DOCK3: variants seen among roughly 807,000 people sequenced by gnomAD.
The protein encoded by DOCK3 is dedicator of cytokinesis protein 3.
In DOCK3, 60 loss-of-function variants were observed where a neutral mutation model predicts 265.6. That is an observed-to-expected ratio of 0.23 (90% CI 0.18 to 0.28). The LOEUF is 0.28. Ranked by LOEUF, DOCK3 falls within the 10% of genes least tolerant of loss-of-function variation. DOCK3 has a pLI of 1.00. For missense variants in DOCK3, 1,981 were observed against 2,594.3 expected (o/e 0.76, Z 5.14); for synonymous variants, 881 against 938.0 (o/e 0.94, Z 1.11).
intron 12 of DOCK3, among the ~76,000 whole-genome samples, chr3:51,198,818 CA>C (rs961615713): frequency 2.0e-5 from 3 of 152,086 alleles, no homozygotes; most frequent in African/African-American, 7.2e-5. Context: ...TCACTTGGGT[CA>C]GGGGTTCAAG....
rs187380578 is a variant in DOCK3 at position 51,214,299 on chromosome 3, G to T, written c.1252+52G>T. Reference sequence around the variant, plus strand: ...AGGAAGATGGGTTAGGATGGAATCTGGTGCTCCCCTCCTGAGCAGGTGGTG... The same window carrying T: ...AGGAAGATGGGTTAGGATGGAATCTTGTGCTCCCCTCCTGAGCAGGTGGTG... On this transcript the variant is annotated intron_variant, in intron 14 of 52. Transcript: ENST00000266037. The T allele has an allele frequency of 2.8e-3, 4,507 of 1,603,206 alleles. 23 individuals are homozygous for T. Among genetic ancestry groups the T allele is most frequent in the Non-Finnish European group, 2.6e-3 (2,996 of 1,174,518 alleles).
At chr3:51,083,922 T>G (rs1287443696) in intron 7 of DOCK3, among the ~76,000 whole-genome samples, 2 of 152,136 alleles carry the variant, frequency 1.3e-5, no homozygotes, top group Non-Finnish European at 2.9e-5. Context: ...AGGCGAAGGT[T>G]GCAGTGAGCC....
chr3:51,216,099 T>C (rs1416652397), intron 14 of DOCK3, among the ~76,000 whole-genome samples: 1 of 152,214 alleles, frequency 6.6e-6, no homozygotes, highest in African/African-American at 2.4e-5. Context: ...CCAAGGGATA[T>C]ACTTAAAGTC....
intron 41 of DOCK3, among the ~76,000 whole-genome samples, chr3:51,355,263 C>T (rs538315716): frequency 6.6e-6 from 1 of 152,332 alleles, no homozygotes; most frequent in Non-Finnish European, 1.5e-5. Flanking sequence ...TCAGGAAGGC[C>T]TTTATCCCTC....
chr3:51,184,754 G>A (rs550837332), intron 12 of DOCK3, among the ~76,000 whole-genome samples: 6 of 152,254 alleles, frequency 3.9e-5, no homozygotes, highest in Admixed American at 6.5e-5. Context: ...TGAGATGTGC[G>A]TACTGAACTC....
chr3:51,141,965 GTT>G (rs539685323), intron 9 of DOCK3, among the ~76,000 whole-genome samples: 2 of 138,746 alleles, frequency 1.4e-5, no homozygotes, highest in Non-Finnish European at 1.6e-5. Flanking sequence ...TTTGGAAGTG[GTT>G]TTTTTTTTTT....
chr3:50,846,554 G>T (rs1406989952), intron 3 of DOCK3, among the ~76,000 whole-genome samples: 1 of 152,100 alleles, frequency 6.6e-6, no homozygotes, highest in Non-Finnish European at 1.5e-5. Flanking sequence ...CTTCCTTGAT[G>T]TTTTGGAATA....
intron 1 of DOCK3, among the ~76,000 whole-genome samples, chr3:50,731,428 A>G (rs2038202363): frequency 6.6e-6 from 1 of 152,220 alleles, no homozygotes; most frequent in Non-Finnish European, 1.5e-5. Flanking sequence ...CATCATTTAT[A>G]ACAAATGTTC....
intron 9 of DOCK3, among the ~76,000 whole-genome samples, chr3:51,092,587 TC>T (rs961978140): frequency 1.3e-5 from 2 of 152,214 alleles, no homozygotes; most frequent in African/African-American, 2.4e-5. Flanking sequence ...GGGCGCAGCT[TC>T]AGCAGACTTT....
chr3:51,350,787 TAGG>T (rs2085925374), intron 40 of DOCK3, among the ~76,000 whole-genome samples: 2 of 152,222 alleles, frequency 1.3e-5, no homozygotes, highest in South Asian at 4.1e-4. Flanking sequence ...ACTGGCCTCT[TAGG>T]GTTTGTCATC....
chr3:51,374,383 G>A lies in DOCK3; in HGVS notation c.5294-86G>A. ...CCTAACTGTAAGGGACACCTACCCT[G>A]GTTCCCTAGTCCTGAGGATGCTTGA... On this transcript the variant is annotated intron_variant, in intron 49 of 52. Coordinates refer to ENST00000266037, the MANE Select transcript of DOCK3 (RefSeq NM_004947.5). This position sits in a 1 kb window ranked among gnomAD's most constrained non-coding sequence, Gnocchi z 4.8. The A allele has an allele frequency of 8.0e-7, 1 of 1,257,176 alleles. No homozygotes were observed. Among genetic ancestry groups the A allele is most frequent in the South Asian group, 1.3e-5 (1 of 77,184 alleles). 77.9% of individuals were successfully genotyped at this position (1,257,176 alleles called of 1,614,324 possible).
At chr3:51,327,334 A>G (rs1441947652) in intron 32 of DOCK3, among the ~76,000 whole-genome samples, 3 of 152,200 alleles carry the variant, frequency 2.0e-5, no homozygotes, top group Non-Finnish European at 4.4e-5. Context: ...TGTTACCACC[A>G]TTCCTATTTC....
chr3:50,981,131 A>G (rs2077674029), intron 5 of DOCK3, among the ~76,000 whole-genome samples: 1 of 152,152 alleles, frequency 6.6e-6, no homozygotes, highest in Non-Finnish European at 1.5e-5. Context: ...GCTGTATCCC[A>G]TAGGTTTAGG....
chr3:51,154,436 G>T (rs1215977641), intron 10 of DOCK3, among the ~76,000 whole-genome samples: 1 of 152,118 alleles, frequency 6.6e-6, no homozygotes, highest in Non-Finnish European at 1.5e-5. Flanking sequence ...ATGAAAGAAA[G>T]AATCTAAATT....
chr3:50,758,412 T>A (rs181054215), intron 1 of DOCK3, among the ~76,000 whole-genome samples: 2 of 152,028 alleles, frequency 1.3e-5, no homozygotes, highest in Non-Finnish European at 2.9e-5. Flanking sequence ...TGGATCTCTG[T>A]ATCTCTGTTT....
intron 43 of DOCK3, 69 bp from the exon 44 acceptor site, chr3:51,356,893 C>T (rs1363058495): frequency 6.7e-7 from 1 of 1,499,672 alleles, no homozygotes; most frequent in Admixed American, 2.2e-5. Context: ...TCTTAGACCC[C>T]AGCTCTCAGG....
chr3:50,949,811 A>G (rs1264006283), intron 5 of DOCK3, among the ~76,000 whole-genome samples: 3 of 151,904 alleles, frequency 2.0e-5, no homozygotes, highest in African/African-American at 7.3e-5. Context: ...GCTAGTGTTT[A>G]TTTGTTCTTC....
chr3:51,017,301 T>A (rs1243403004), intron 5 of DOCK3, among the ~76,000 whole-genome samples: 2 of 151,574 alleles, frequency 1.3e-5, no homozygotes, highest in East Asian at 3.9e-4. Flanking sequence ...TCAATTTTGT[T>A]TATCTTTTCA....
rs554086450 is a variant in DOCK3 at position 50,810,317 on chromosome 3, G to A, written c.122-31358G>A. 5.3e-5 allele frequency among the ~76,000 whole-genome samples: 8 copies of A among 152,184 alleles called. No homozygotes were observed. The South Asian group carries it at 1.5e-3, about 28-fold the overall frequency. On this transcript the variant is annotated intron_variant, in intron 2 of 52. Coordinates refer to ENST00000266037, the MANE Select transcript of DOCK3 (RefSeq NM_004947.5). ...TGTAATCCTAGCACTTTGGGAGACCGAGGCGGGCGGATCACTTGAGGTCAG... is the reference window on the plus strand; with the variant it reads ...TGTAATCCTAGCACTTTGGGAGACCAAGGCGGGCGGATCACTTGAGGTCAG...
Sources: gnomAD v4.1 joint callset for allele counts (sites outside exome capture counted in the v4.1 genomes callset) on GRCh38, gnomAD v4.1.1 for gene constraint, Gnocchi (gnomAD v3.1) non-coding constraint, MANE v1.5 for transcripts, NCBI Gene and HGNC (gene_info 2026-07-23, HGNC 2026-07-21) for gene names.